Variants in FAN1 observed in about 807,000 individuals in gnomAD.
FAN1 encodes the protein fanconi-associated nuclease 1.
FAN1 carries 91 observed loss-of-function variants against 104.9 expected under a neutral mutation model. The observed-to-expected ratio is 0.87, with a 90% CI of 0.73 to 1.03. The LOEUF (loss-of-function observed/expected upper bound fraction) is 1.03. Ranked by LOEUF, FAN1 falls within the 50% of genes least tolerant of loss-of-function variation. The probability of loss-of-function intolerance (pLI) is 0.00; values close to 1 mark genes in which losing one functional copy is unlikely to be tolerated. For missense variants in FAN1, 1,263 were observed against 1,239.9 expected (o/e 1.02, Z -0.28); for synonymous variants, 478 against 457.6 (o/e 1.04, Z -0.57).
At chr15:30,904,286 C>T (rs553294507) in intron 1 of FAN1, among the ~76,000 whole-genome samples, 1 of 152,216 alleles carries the variant, frequency 6.6e-6, no homozygotes, top group East Asian at 1.9e-4. Flanking sequence ...AGTTTTAGGT[C>T]TTAAAGATGT....
At chr15:30,926,553 G>C in intron 10 of FAN1, 1 of 900,970 alleles carries the variant, frequency 1.1e-6, no homozygotes, top group Non-Finnish European at 1.3e-6. Context: ...ACAAAGCCCA[G>C]GTTCTTTCTG....
intron 13 of FAN1, among the ~76,000 whole-genome samples, chr15:30,933,604 T>C (rs2062770971): frequency 6.6e-6 from 1 of 152,248 alleles, no homozygotes. Context: ...TAGCATTTGT[T>C]GTGGGCAGTA....
chr15:30,904,635 G>A lies in FAN1; in HGVS notation c.-29G>A, dbSNP rs2061928644. 3 of 1,605,270 alleles carry A rather than the reference G, an allele frequency of 1.9e-6. No individual in the cohort carries two copies. The stretch of plus-strand genomic sequence containing the variant: ...CACCTTAAATATCCTGTGTTTTATT[G>A]CTCAGAACATCCAGTTTTTCTAATA... On this transcript the variant is annotated 5_prime_UTR_variant, in exon 2 of 15. Transcript: ENST00000362065.
At chr15:30,920,046 A>G (rs2062288157) in intron 6 of FAN1, among the ~76,000 whole-genome samples, 1 of 152,242 alleles carries the variant, frequency 6.6e-6, no homozygotes, top group Non-Finnish European at 1.5e-5. Context: ...TGCAGGCCAT[A>G]TGGTTTCTGT....
chr15:30,914,179 A>T, intron 5 of FAN1, 88 bp downstream of exon 5: 2 of 948,308 alleles, frequency 2.1e-6, no homozygotes, highest in East Asian at 2.4e-5. Flanking sequence ...GCCAAAGTAG[A>T]AACATTAAGT....
At chr15:30,928,724 C>A in intron 11 of FAN1, 68 bp downstream of exon 11, 1 of 1,606,104 alleles carries the variant, frequency 6.2e-7, no homozygotes, top group African/African-American at 1.3e-5. Flanking sequence ...CCCACCTGGG[C>A]ACCGTGTGTC....
At chr15:30,936,095 T>A (rs1595889323) in intron 13 of FAN1, among the ~76,000 whole-genome samples, 1 of 147,064 alleles carries the variant, frequency 6.8e-6, no homozygotes, top group South Asian at 2.3e-4. Context: ...AAACAATTTT[T>A]TTCTATATTT....
At position 30,928,624 on chromosome 15, in the gene FAN1, G is replaced by A; in HGVS notation, c.2560G>A (p.Gly854Arg). Residue 854 changes from glycine to arginine, a missense_variant, in exon 11 of 15, where the codon GGG becomes AGG. Physicochemically the swap from Gly to Arg is moderately radical, Grantham distance 125. This residue lies in a region of FAN1 where 581 missense variants were observed against 668.8 expected (regional missense o/e 0.87). Transcript: ENST00000362065. The part of the protein sequence containing the change: ...LLLWDIIFMD[G>R]IPDVFRNACQ... The stretch of plus-strand genomic sequence containing the variant: ...CCTGTGGGACATCATCTTCATGGAT[G>A]GGATTCCGGATGTCTTCAGAAACGC... The A allele has an allele frequency of 6.2e-7, 1 of 1,613,648 alleles. No individual in the cohort carries two copies. Among genetic ancestry groups the A allele is most frequent in the Non-Finnish European group, 8.5e-7 (1 of 1,179,936 alleles).
At chr15:30,906,841 A>G (rs1393256930) in intron 2 of FAN1, among the ~76,000 whole-genome samples, 5 of 152,212 alleles carry the variant, frequency 3.3e-5, no homozygotes, top group Admixed American at 2.0e-4. Flanking sequence ...GAAGATGGAC[A>G]TAATAGCACA....
Position 30,905,799 on chromosome 15 carries a change from T to G in FAN1, c.1136T>G (p.Phe379Cys), listed in dbSNP as rs1219484316. Residue 379 changes from phenylalanine (F) to cysteine (C), a missense_variant, in exon 2 of 15, where the codon TTC becomes TGC. Coordinates refer to ENST00000362065, the MANE Select transcript of FAN1 (RefSeq NM_014967.5). ...GGTCATCCTTACTACCTTCGGAGTT[T>G]CCTTGTGGTGCTGAAAACCGTACTT... ...TTGHPYYLRS[F>C]LVVLKTVLEN... 2 of 1,614,240 alleles carry G rather than the reference T, an allele frequency of 1.2e-6. No homozygotes were observed. Among genetic ancestry groups the G allele is most frequent in the Admixed American group, 3.3e-5 (2 of 60,030 alleles).
chr15:30,925,638 C>T (rs1470829007), intron 9 of FAN1, 151 bp from the exon 10 acceptor site: 5 of 901,714 alleles, frequency 5.5e-6, no homozygotes, highest in Admixed American at 4.3e-5. Context: ...GTCACATCCC[C>T]GCAGTTCTGC....
chr15:30,927,310 C>T, intron 10 of FAN1: 1 of 985,462 alleles, frequency 1.0e-6, no homozygotes, highest in Non-Finnish European at 1.2e-6. Flanking sequence ...GAAATCAGGT[C>T]CTAGCTCCAC....
At chr15:30,936,764 G>C (rs775363158) in intron 13 of FAN1, among the ~76,000 whole-genome samples, 7 of 152,200 alleles carry the variant, frequency 4.6e-5, no homozygotes, top group Non-Finnish European at 1.0e-4. Flanking sequence ...CAGTTGGGCA[G>C]ATCATGTAGT....
Position 30,905,221 on chromosome 15 carries a change from C to T in FAN1, c.558C>T (p.Ser186=). 2 of 1,613,708 alleles carry T rather than the reference C, an allele frequency of 1.2e-6. No individual in the cohort carries two copies. The highest frequency in any genetic ancestry group is 1.1e-5 in the South Asian group (1 of 91,078). Residue 186 remains serine (S), a synonymous_variant, in exon 2 of 15, where the codon TCC becomes TCT. Transcript: ENST00000362065. ...FAGSSPQSSK[S]TVVKSLIDNS... Reference sequence around the variant, plus strand: ...GTTCTAGTCCACAGAGTTCCAAATCCACAGTTGTTAAGAGCCTGATTGATA... The same window carrying T: ...GTTCTAGTCCACAGAGTTCCAAATCTACAGTTGTTAAGAGCCTGATTGATA...
intron 8 of FAN1, among the ~76,000 whole-genome samples, chr15:30,923,427 G>C (rs979453028): frequency 1.3e-5 from 2 of 152,180 alleles, no homozygotes; most frequent in South Asian, 2.1e-4. Context: ...GTTCTGCTAG[G>C]GGGTAGACAA....
rs1007057859 is a variant in FAN1 at position 30,940,651 on chromosome 15, C to T, written c.*4-915C>T. ...AGCATACACCTCTGTGGAATCAGCA[C>T]CCCAGAGGCCACTCCCCAGTGGCTT... On this transcript the variant is annotated intron_variant, in intron 14 of 14. Transcript: ENST00000362065. 6 of 986,316 alleles carry T rather than the reference C, an allele frequency of 6.1e-6. No individual in the cohort carries two copies. In the East Asian group the frequency reaches 6.8e-4, roughly 111 times the overall value. 61.1% of individuals were successfully genotyped at this position (986,316 alleles called of 1,614,324 possible).
chr15:30,931,508 G>T (rs533657152), intron 13 of FAN1, among the ~76,000 whole-genome samples: 2 of 152,296 alleles, frequency 1.3e-5, no homozygotes, highest in South Asian at 4.1e-4. Flanking sequence ...CTAATCCAAG[G>T]TCACAAAGAG....
intron 3 of FAN1, among the ~76,000 whole-genome samples, chr15:30,910,255 C>T (rs1471429436): frequency 6.6e-6 from 1 of 152,176 alleles, no homozygotes; most frequent in Admixed American, 6.5e-5. Context: ...TTCTCTCTGA[C>T]CTGGTTTGAG....
chr15:30,935,456 TAAA>T (rs1438039036), intron 13 of FAN1, among the ~76,000 whole-genome samples: 1 of 151,946 alleles, frequency 6.6e-6, no homozygotes, highest in African/African-American at 2.4e-5. Context: ...AGAAAAACAA[TAAA>T]AAGTAACTAC....
Sources: gnomAD v4.1 joint callset for allele counts (sites outside exome capture counted in the v4.1 genomes callset) on GRCh38, gnomAD v4.1.1 for gene constraint, gnomAD v4.1.1 regional missense constraint, MANE v1.5 for transcripts, NCBI Gene and HGNC (gene_info 2026-07-23, HGNC 2026-07-21) for gene names.